Variants in AGBL1 observed in about 807,000 individuals in gnomAD.
The protein encoded by AGBL1 is cytosolic carboxypeptidase 4.
AGBL1 carries 130 observed loss-of-function variants against 118.9 expected under a neutral mutation model. The observed-to-expected ratio is 1.09, with a 90% CI of 0.95 to 1.26. AGBL1 has a LOEUF of 1.26. Among genes scored for constraint, AGBL1 ranks in the 50% most tolerant of loss-of-function variants. The probability of loss-of-function intolerance (pLI) is 0.00; values close to 1 mark genes in which losing one functional copy is unlikely to be tolerated. For synonymous variants in AGBL1, 555 were observed against 478.9 expected, an observed-to-expected ratio of 1.16 and a Z score of -2.08; for missense variants, 1,584 against 1,298.1, an observed-to-expected ratio of 1.22 and a Z score of -3.38.
At chr15:86,283,220 GC>G (rs994205341) in intron 16 of AGBL1, among the ~76,000 whole-genome samples, 10 of 152,124 alleles carry the variant, frequency 6.6e-5, no homozygotes, top group Non-Finnish European at 2.9e-5. Context: ...GTTATAAATA[GC>G]CCCTAGGTAG....
chr15:86,094,762 G>A (rs571608803), intron 1 of AGBL1, among the ~76,000 whole-genome samples: 7 of 152,276 alleles, frequency 4.6e-5, no homozygotes, highest in African/African-American at 1.7e-4. Flanking sequence ...TATCAATATA[G>A]CACTTCTGAT....
chr15:86,776,914 T>C (rs986048002), intron 22 of AGBL1, among the ~76,000 whole-genome samples: 2 of 151,996 alleles, frequency 1.3e-5, no homozygotes, highest in Non-Finnish European at 2.9e-5. Flanking sequence ...AAATATGTGA[T>C]TTTTCTTCAT....
At chr15:86,311,502 T>A (rs1004289490) in intron 17 of AGBL1, among the ~76,000 whole-genome samples, 5 of 151,690 alleles carry the variant, frequency 3.3e-5, no homozygotes, top group Non-Finnish European at 5.9e-5. Context: ...GTTCTTGGAA[T>A]TTTTTTTTCC....
At chr15:86,450,621 G>C (rs2082181669) in intron 18 of AGBL1, among the ~76,000 whole-genome samples, 1 of 152,126 alleles carries the variant, frequency 6.6e-6, no homozygotes, top group Non-Finnish European at 1.5e-5. Flanking sequence ...TACTATTTAA[G>C]AATAGGGTCA....
intron 22 of AGBL1, among the ~76,000 whole-genome samples, chr15:86,871,359 A>G (rs1596573829): frequency 6.6e-6 from 1 of 152,182 alleles, no homozygotes; most frequent in South Asian, 2.1e-4. Flanking sequence ...AAGCCCAGAT[A>G]CCTTCACAAA....
intron 22 of AGBL1, among the ~76,000 whole-genome samples, chr15:86,697,774 G>A (rs746979828): frequency 1.2e-4 from 18 of 151,982 alleles, no homozygotes; most frequent in Non-Finnish European, 2.2e-4. Flanking sequence ...TGGCCCATGG[G>A]TTGTTCCTTT....
At chr15:87,027,586 T>C (rs1408427201) in intron 24 of AGBL1, among the ~76,000 whole-genome samples, 1 of 152,002 alleles carries the variant, frequency 6.6e-6, no homozygotes, top group Non-Finnish European at 1.5e-5. Flanking sequence ...TGCACGTTTA[T>C]GTTCATGGCA....
intron 23 of AGBL1, among the ~76,000 whole-genome samples, chr15:86,984,216 A>G (rs1344572796): frequency 2.0e-5 from 3 of 152,158 alleles, no homozygotes; most frequent in Non-Finnish European, 2.9e-5. Flanking sequence ...TTTAGCTACT[A>G]TTATTTAAAT....
intron 18 of AGBL1, among the ~76,000 whole-genome samples, chr15:86,461,968 C>T (rs1382307608): frequency 6.6e-6 from 1 of 152,206 alleles, no homozygotes; most frequent in East Asian, 1.9e-4. Flanking sequence ...CAACCCCTCC[C>T]TGCCTCACGC....
At chr15:86,922,298 G>T (rs1462367192) in intron 23 of AGBL1, among the ~76,000 whole-genome samples, 2 of 152,268 alleles carry the variant, frequency 1.3e-5, no homozygotes, top group East Asian at 1.9e-4. Flanking sequence ...GAAACATGTT[G>T]TTATTTTTCT....
chr15:86,440,991 A>G (rs1450161185), intron 18 of AGBL1, among the ~76,000 whole-genome samples: 2 of 152,210 alleles, frequency 1.3e-5, no homozygotes, highest in Non-Finnish European at 2.9e-5. Flanking sequence ...ACATTAGAGC[A>G]AGGGTCAGGA....
At chr15:86,421,295 G>A (rs1380020614) in intron 18 of AGBL1, among the ~76,000 whole-genome samples, 1 of 152,094 alleles carries the variant, frequency 6.6e-6, no homozygotes, top group Non-Finnish European at 1.5e-5. Flanking sequence ...AGAAGAGAGT[G>A]GGGCCAATAT....
chr15:86,283,251 A>T (rs1026984905), intron 16 of AGBL1, among the ~76,000 whole-genome samples: 2 of 152,140 alleles, frequency 1.3e-5, no homozygotes, highest in African/African-American at 4.8e-5. Flanking sequence ...TTGGTTGAAA[A>T]TGGGGCCCCA....
At chr15:86,830,242 A>G (rs2079085222) in intron 22 of AGBL1, among the ~76,000 whole-genome samples, 1 of 152,198 alleles carries the variant, frequency 6.6e-6, no homozygotes, top group Non-Finnish European at 1.5e-5. Flanking sequence ...ATCCAGGTTA[A>G]GATGCTGAAT....
Position 86,594,499 on chromosome 15 carries a change from C to G in AGBL1, c.2994+39962C>G, listed in dbSNP as rs2469178. Among the ~76,000 whole-genome samples the G allele has an allele frequency of 3.2e-3, 483 of 152,282 alleles. 2 individuals carry two copies. Among genetic ancestry groups the G allele is most frequent in the African/African-American group, 0.011 (471 of 41,568 alleles). On this transcript the variant is annotated intron_variant, in intron 21 of 22. Transcript: ENST00000614907. ...CTATAATTCATCTCTGAAATATTTA[C>G]TAGAATTCACCAGTGAAGCTGTCTA... is the stretch of plus-strand genomic sequence containing the variant.
At chr15:86,682,832 C>T (rs565505690) in intron 22 of AGBL1, among the ~76,000 whole-genome samples, 1 of 152,142 alleles carries the variant, frequency 6.6e-6, no homozygotes, top group East Asian at 1.9e-4. Context: ...AGATGCTGTG[C>T]TAAGCATTTT....
intron 23 of AGBL1, among the ~76,000 whole-genome samples, chr15:86,973,412 A>C (rs1347406570): frequency 6.6e-6 from 1 of 152,022 alleles, no homozygotes; most frequent in African/African-American, 2.4e-5. Context: ...CATTTTAACT[A>C]TAGTAGCAAT....
At chr15:86,348,775 CAAAAGA>C (rs2080579271) in intron 17 of AGBL1, among the ~76,000 whole-genome samples, 1 of 62,088 alleles carries the variant, frequency 1.6e-5, no homozygotes, top group African/African-American at 8.1e-5. Flanking sequence ...GCGACTGTCT[CAAAAGA>C]AAAAAAAAAA....
intron 22 of AGBL1, among the ~76,000 whole-genome samples, chr15:86,789,533 G>A (rs892868099): frequency 2.6e-5 from 4 of 152,156 alleles, no homozygotes; most frequent in Non-Finnish European, 1.5e-5. Context: ...CTCTTGGAAA[G>A]CTAAGGGGGA....
Sources: gnomAD v4.1 joint callset for allele counts (sites outside exome capture counted in the v4.1 genomes callset) on GRCh38, gnomAD v4.1.1 for gene constraint, MANE v1.5 for transcripts, NCBI Gene and HGNC (gene_info 2026-07-23, HGNC 2026-07-21) for gene names.